The following RBMS3 variants were observed in gnomAD, a reference collection of about 807,000 sequenced individuals.
RBMS3 encodes RNA binding motif single stranded interacting protein 3, also known as RNA-binding motif, single-stranded-interacting protein 3.
A neutral mutation model predicts 66.8 loss-of-function variants in RBMS3; 27 were observed. The observed-to-expected ratio is 0.40, with a 90% CI of 0.30 to 0.56. RBMS3 has a LOEUF of 0.56. RBMS3 is among the 20% of genes least tolerant of loss of function. The pLI is 0.40. For synonymous variants in RBMS3, 188 were observed against 183.0 expected (o/e 1.03, Z -0.22); for missense variants, 513 against 549.5 (o/e 0.93, Z 0.66).
At chr3:29,792,282 A>T (rs1012901925) in intron 6 of RBMS3, among the ~76,000 whole-genome samples, 2 of 152,188 alleles carry the variant, frequency 1.3e-5, no homozygotes, top group Non-Finnish European at 2.9e-5. Flanking sequence ...TTATTGCCTC[A>T]ATTCCAGTTA....
At chr3:29,390,393 T>G (rs1463649935) in intron 1 of RBMS3, among the ~76,000 whole-genome samples, 2 of 152,350 alleles carry the variant, frequency 1.3e-5, no homozygotes, top group Admixed American at 1.3e-4. Context: ...AAAAGCTGCA[T>G]AGTCAAATAA....
intron 1 of RBMS3, among the ~76,000 whole-genome samples, chr3:29,407,022 T>C (rs929164835): frequency 3.9e-5 from 6 of 152,204 alleles, no homozygotes; most frequent in African/African-American, 1.4e-4. Flanking sequence ...TGCATGCTGA[T>C]CTCCTTATAG....
chr3:29,414,079 G>T (rs544463873), intron 1 of RBMS3, among the ~76,000 whole-genome samples: 1 of 152,234 alleles, frequency 6.6e-6, no homozygotes, highest in South Asian at 2.1e-4. Flanking sequence ...GTCTTTTAAG[G>T]TTTTAGGATG....
At chr3:29,541,025 CACAGAAA>C in intron 3 of RBMS3, among the ~76,000 whole-genome samples, 1 of 152,232 alleles carries the variant, frequency 6.6e-6, no homozygotes, top group African/African-American at 2.4e-5. Context: ...TGAACTGAGA[CACAGAAA>C]ACTACATAGC....
intron 12 of RBMS3, among the ~76,000 whole-genome samples, chr3:29,977,156 C>T (rs1697645842): frequency 6.6e-6 from 1 of 152,050 alleles, no homozygotes; most frequent in African/African-American, 2.4e-5. Context: ...TAACCAGCTT[C>T]ATCAGTTTTA....
intron 10 of RBMS3, among the ~76,000 whole-genome samples, chr3:29,909,099 A>G (rs2060455740): frequency 6.6e-6 from 1 of 152,090 alleles, no homozygotes; most frequent in African/African-American, 2.4e-5. Context: ...AAAGGGGACT[A>G]CGGGGGGAGC....
chr3:29,567,899 C>G (rs1275532879), intron 3 of RBMS3, among the ~76,000 whole-genome samples: 2 of 152,090 alleles, frequency 1.3e-5, no homozygotes, highest in African/African-American at 4.8e-5. Flanking sequence ...CTTTATGACT[C>G]CTAGGGGATT....
intron 1 of RBMS3, among the ~76,000 whole-genome samples, chr3:29,421,836 A>G (rs751894636): frequency 1.3e-5 from 2 of 152,176 alleles, no homozygotes; most frequent in Non-Finnish European, 2.9e-5. Flanking sequence ...ACAAGCATCA[A>G]TGGACTTTTT....
chr3:29,784,721 T>TA (rs1295915217), intron 6 of RBMS3, among the ~76,000 whole-genome samples: 2 of 151,218 alleles, frequency 1.3e-5, no homozygotes, highest in African/African-American at 4.9e-5. Flanking sequence ...ACAAAAAATA[T>TA]AAAAAGATAA....
At chr3:29,692,251 G>A (rs1383810383) in intron 4 of RBMS3, among the ~76,000 whole-genome samples, 2 of 151,852 alleles carry the variant, frequency 1.3e-5, no homozygotes, top group African/African-American at 2.4e-5. Flanking sequence ...CAAAGTGCTA[G>A]GATTACAGGT....
intron 3 of RBMS3, among the ~76,000 whole-genome samples, chr3:29,531,106 C>G (rs1207693786): frequency 6.6e-6 from 1 of 152,082 alleles, no homozygotes. Context: ...AGTGCCATCC[C>G]CGAGGACAGT....
At chr3:29,877,932 T>G (rs552434372) in intron 7 of RBMS3, among the ~76,000 whole-genome samples, 2 of 152,310 alleles carry the variant, frequency 1.3e-5, no homozygotes, top group Admixed American at 6.5e-5. Flanking sequence ...AATATTGGCT[T>G]AATGTTGGCC....
chr3:30,007,648 G>A lies in RBMS3; in HGVS notation c.*3786G>A, dbSNP rs1052473893. ...CGTAATGAGCCCAAGTGAACTGAAG[G>A]TCATACTGGCAGGTGCTGATGACAG... On this transcript the variant is annotated 3_prime_UTR_variant, in exon 15 of 15. Coordinates refer to ENST00000383767, the MANE Select transcript of RBMS3 (RefSeq NM_001003793.3). The A allele has an allele frequency of 2.0e-5, 3 of 152,036 alleles. No individual in the cohort carries two copies. The highest frequency in any genetic ancestry group is 7.2e-5 in the African/African-American group (3 of 41,434). 9.4% of individuals were successfully genotyped at this position (152,036 alleles called of 1,614,324 possible).
intron 4 of RBMS3, among the ~76,000 whole-genome samples, chr3:29,687,099 G>A (rs2051766202): frequency 6.6e-6 from 1 of 152,072 alleles, no homozygotes; most frequent in Non-Finnish European, 1.5e-5. Context: ...CTTTATGTGT[G>A]GTTTCTTTTT....
intron 1 of RBMS3, among the ~76,000 whole-genome samples, chr3:29,389,606 AATTTTAC>A (rs1439452804): frequency 1.3e-5 from 2 of 152,172 alleles, no homozygotes; most frequent in Non-Finnish European, 2.9e-5. Context: ...GCCAAAGTTG[AATTTTAC>A]ATTGAGTTGG....
intron 6 of RBMS3, among the ~76,000 whole-genome samples, chr3:29,829,613 T>A (rs2149486671): frequency 6.6e-6 from 1 of 152,256 alleles, no homozygotes; most frequent in South Asian, 2.1e-4. Flanking sequence ...GGGAATTTTT[T>A]AAAAAACTGT....
chr3:29,362,385 T>C (rs573961455), intron 1 of RBMS3, among the ~76,000 whole-genome samples: 6 of 152,360 alleles, frequency 3.9e-5, no homozygotes, highest in African/African-American at 1.2e-4. Context: ...CAGCAAATGT[T>C]GCTGTCTGAT....
intron 2 of RBMS3, among the ~76,000 whole-genome samples, chr3:29,456,880 A>G (rs1342105718): frequency 1.3e-5 from 2 of 152,214 alleles, no homozygotes; most frequent in East Asian, 1.9e-4. Flanking sequence ...GTATATAACT[A>G]ACTTTTACAC....
chr3:29,315,845 C>G (rs936599129), intron 1 of RBMS3, among the ~76,000 whole-genome samples: 1 of 151,740 alleles, frequency 6.6e-6, no homozygotes, highest in African/African-American at 2.4e-5. Context: ...AAATGCATCT[C>G]TACCCTACCA....
Sources: allele counts gnomAD v4.1 joint callset (sites outside exome capture counted in the v4.1 genomes callset), GRCh38; gene constraint gnomAD v4.1.1; transcripts MANE v1.5; gene names NCBI Gene and HGNC (gene_info 2026-07-23, HGNC 2026-07-21).